Variants in CNTNAP2 observed in about 807,000 individuals in gnomAD.
CNTNAP2 encodes the protein contactin associated protein 2, also known as contactin-associated protein-like 2.
CNTNAP2 carries 98 observed loss-of-function variants against 155.2 expected under a neutral mutation model. That is an observed-to-expected ratio of 0.63 (90% CI 0.54 to 0.75). CNTNAP2 has a LOEUF of 0.75. CNTNAP2 is among the 30% of genes least tolerant of loss of function. CNTNAP2 has a pLI of 0.00. For missense variants in CNTNAP2, 1,727 were observed against 1,688.1 expected (o/e 1.02, Z -0.40); for synonymous variants, 651 against 631.2 (o/e 1.03, Z -0.47).
rs150654156 is a variant in CNTNAP2 at position 146,213,866 on chromosome 7, G to A, written c.97+96893G>A. ...TTTTTCCATGGAATTCAGAGGATTC[G>A]GTTACTGAAATCCATGGCATTAATT... On this transcript the variant is annotated intron_variant, in intron 1 of 23. Transcript: ENST00000361727. Among the ~76,000 whole-genome samples the A allele has an allele frequency of 1.1e-4, 16 of 151,988 alleles. No individual in the cohort carries two copies. In the East Asian group the frequency reaches 1.9e-3, roughly 18 times the overall value.
chr7:146,473,676 C>T (rs1247152065), intron 1 of CNTNAP2, among the ~76,000 whole-genome samples: 1 of 152,110 alleles, frequency 6.6e-6, no homozygotes, highest in Admixed American at 6.6e-5. Flanking sequence ...TTCTTTCCAC[C>T]TGCAACTAAA....
At chr7:146,502,173 T>C (rs1037392239) in intron 1 of CNTNAP2, among the ~76,000 whole-genome samples, 2 of 145,172 alleles carry the variant, frequency 1.4e-5, no homozygotes, top group African/African-American at 5.4e-5. Flanking sequence ...AATAACAGGA[T>C]TTCGTTATTT....
chr7:147,624,296 A>G (rs1482337031), intron 12 of CNTNAP2, among the ~76,000 whole-genome samples: 1 of 152,296 alleles, frequency 6.6e-6, no homozygotes, highest in East Asian at 1.9e-4. Context: ...TGCACAGCAA[A>G]CAATCAACAA....
At chr7:147,761,552 T>G (rs988086325) in intron 13 of CNTNAP2, among the ~76,000 whole-genome samples, 1 of 152,158 alleles carries the variant, frequency 6.6e-6, no homozygotes, top group Non-Finnish European at 1.5e-5. Flanking sequence ...CATCCAACCC[T>G]TAGGTATCAA....
At chr7:146,384,372 T>G (rs1177020625) in intron 1 of CNTNAP2, among the ~76,000 whole-genome samples, 2 of 152,114 alleles carry the variant, frequency 1.3e-5, no homozygotes, top group South Asian at 2.1e-4. Flanking sequence ...AGTGAAGATA[T>G]CCAGCATATC....
chr7:146,352,903 C>T (rs540429832), intron 1 of CNTNAP2, among the ~76,000 whole-genome samples: 54 of 151,382 alleles, frequency 3.6e-4, no homozygotes, highest in African/African-American at 6.6e-4. Flanking sequence ...TACAGGCACC[C>T]GCCACCACGC....
At chr7:147,287,053 C>T (rs1335425053) in intron 8 of CNTNAP2, among the ~76,000 whole-genome samples, 2 of 152,078 alleles carry the variant, frequency 1.3e-5, no homozygotes, top group Non-Finnish European at 2.9e-5. Context: ...TTATTCAGTG[C>T]CATCTCAATG....
intron 2 of CNTNAP2, among the ~76,000 whole-genome samples, chr7:146,839,260 C>T (rs1455159385): frequency 1.3e-5 from 2 of 151,968 alleles, no homozygotes; most frequent in East Asian, 1.9e-4. Flanking sequence ...TTCTACTTTA[C>T]TTCACAAGAA....
Position 146,907,992 on chromosome 7 carries a change from G to T in CNTNAP2, c.402+68088G>T, listed in dbSNP as rs1248197966. ...AAATAGAAAACTAAAAAAGGCAGGG[G>T]TTGCAATCCTAGTCTCTGATAAAAC... On this transcript the variant is annotated intron_variant, in intron 3 of 23. Transcript: ENST00000361727. Among the ~76,000 whole-genome samples the T allele has an allele frequency of 5.9e-5, 9 of 152,158 alleles. No individual in the cohort carries two copies. The East Asian group carries it at 7.7e-4, about 13-fold the overall frequency.
chr7:146,158,187 A>G (rs1473268915), intron 1 of CNTNAP2, among the ~76,000 whole-genome samples: 1 of 152,218 alleles, frequency 6.6e-6, no homozygotes, highest in African/African-American at 2.4e-5. Context: ...ACTGTTAGAA[A>G]GAAAAGTAAC....
At chr7:147,426,902 T>G (rs192939132) in intron 10 of CNTNAP2, among the ~76,000 whole-genome samples, 1 of 152,276 alleles carries the variant, frequency 6.6e-6, no homozygotes, top group East Asian at 1.9e-4. Flanking sequence ...TCATCACAAA[T>G]AGATGTATTG....
chr7:147,079,618 T>TA (rs1313098083), intron 4 of CNTNAP2, among the ~76,000 whole-genome samples: 1 of 149,668 alleles, frequency 6.7e-6, no homozygotes, highest in Non-Finnish European at 1.5e-5. Context: ...ATAATAATAA[T>TA]AATAATGCTA....
intron 1 of CNTNAP2, among the ~76,000 whole-genome samples, chr7:146,660,285 G>A: frequency 6.6e-6 from 1 of 152,144 alleles, no homozygotes; most frequent in Non-Finnish European, 1.5e-5. Context: ...AAACAGACCA[G>A]TCAGCTGGTA....
rs1563203878 is a variant in CNTNAP2, at chr7:146,721,661, CATTCTATATAT to C, written c.98-52607_98-52597del. ...ATATATTCTATATATATTCTATATACATTCTATATATATACTATATACATTCTATATATATA... is the reference window on the plus strand; with the variant it reads ...ATATATTCTATATATATTCTATATACATACTATATACATTCTATATATATA... On this transcript the variant is annotated intron_variant, in intron 1 of 23. Coordinates refer to ENST00000361727, the MANE Select transcript of CNTNAP2 (RefSeq NM_014141.6). 2.3e-5 allele frequency among the ~76,000 whole-genome samples: 2 copies of C among 87,282 alleles called. 1 individual carries two copies. The highest frequency in any genetic ancestry group is 1.7e-4 in the African/African-American group (2 of 11,640). 57.3% of individuals were successfully genotyped at this position (87,282 alleles called of 152,430 possible).
At chr7:147,583,541 CA>C (rs1478332794) in intron 12 of CNTNAP2, among the ~76,000 whole-genome samples, 4 of 131,112 alleles carry the variant, frequency 3.1e-5, no homozygotes, top group African/African-American at 1.3e-4. Context: ...TAATGTCAAA[CA>C]GATTAAAATT....
Position 146,564,209 on chromosome 7 carries a change from G to T in CNTNAP2, c.98-210062G>T, listed in dbSNP as rs1007059665. On this transcript the variant is annotated intron_variant, in intron 1 of 23. Coordinates refer to ENST00000361727, the MANE Select transcript of CNTNAP2 (RefSeq NM_014141.6). ...ACAGAGACCATCTACATGGACAAAAGTAGGGGCTAATAATGATATGTTACC... is the reference window on the plus strand; with the variant it reads ...ACAGAGACCATCTACATGGACAAAATTAGGGGCTAATAATGATATGTTACC... Among the ~76,000 whole-genome samples the T allele has an allele frequency of 9.2e-5, 14 of 152,110 alleles. 1 individual carries two copies. The highest frequency in any genetic ancestry group is 2.6e-4 in the Admixed American group (4 of 15,268).
At chr7:146,755,807 G>A (rs1484593068) in intron 1 of CNTNAP2, among the ~76,000 whole-genome samples, 2 of 151,940 alleles carry the variant, frequency 1.3e-5, no homozygotes, top group African/African-American at 4.8e-5. Context: ...ATAGGACACT[G>A]TACTATAGAT....
chr7:146,814,948 GGAAAA>G (rs1432114491), intron 2 of CNTNAP2, among the ~76,000 whole-genome samples: 1 of 151,970 alleles, frequency 6.6e-6, no homozygotes, highest in Non-Finnish European at 1.5e-5. Flanking sequence ...ATTGAGAAAA[GGAAAA>G]GAAAATTTAT....
At chr7:146,697,770 C>A (rs1469277318) in intron 1 of CNTNAP2, among the ~76,000 whole-genome samples, 2 of 152,080 alleles carry the variant, frequency 1.3e-5, no homozygotes, top group African/African-American at 2.4e-5. Flanking sequence ...ATATTCAGAT[C>A]ATTCACATTT....
Sources: allele counts gnomAD v4.1 joint callset (sites outside exome capture counted in the v4.1 genomes callset), GRCh38; gene constraint gnomAD v4.1.1; transcripts MANE v1.5; gene names NCBI Gene and HGNC (gene_info 2026-07-23, HGNC 2026-07-21).